Variants in AK9 observed in about 807,000 individuals in gnomAD.
AK9 encodes the protein adenylate kinase 9.
A neutral mutation model predicts 239.6 loss-of-function variants in AK9; 191 were observed. The observed-to-expected ratio is 0.80, with a 90% CI of 0.71 to 0.90. The LOEUF (loss-of-function observed/expected upper bound fraction) is 0.90, where lower values mean the gene tolerates loss of function less well. Ranked by LOEUF, AK9 falls within the 40% of genes least tolerant of loss-of-function variation. The probability of loss-of-function intolerance (pLI) is 0.00; values close to 1 mark genes in which losing one functional copy is unlikely to be tolerated. For synonymous variants in AK9, 689 were observed against 721.0 expected, an observed-to-expected ratio of 0.96 and a Z score of 0.71; for missense variants, 1,995 against 2,214.7, an observed-to-expected ratio of 0.90 and a Z score of 1.99.
intron 38 of AK9, 93 bp from the exon 39 acceptor site, chr6:109,495,533 A>C (rs1776947227): frequency 1.1e-6 from 1 of 901,596 alleles, no homozygotes; most frequent in South Asian, 2.7e-5. Context: ...GATAAAGTTC[A>C]CTACTTTTTC....
At chr6:109,581,154 C>A (rs1420943163) in intron 19 of AK9, among the ~76,000 whole-genome samples, 1 of 152,128 alleles carries the variant, frequency 6.6e-6, no homozygotes, top group African/African-American at 2.4e-5. Context: ...GACTCCCTCC[C>A]TCTCCTCAGG....
chr6:109,599,124 G>A (rs1186146970), intron 17 of AK9, among the ~76,000 whole-genome samples: 1 of 152,138 alleles, frequency 6.6e-6, no homozygotes, highest in African/African-American at 2.4e-5. Flanking sequence ...ATTGCTTTTG[G>A]TGTTTTAGAC....
chr6:109,686,160 T>G (rs1287963485), intron 1 of AK9, among the ~76,000 whole-genome samples: 2 of 152,162 alleles, frequency 1.3e-5, no homozygotes, highest in African/African-American at 4.8e-5. Context: ...TGAGACAATA[T>G]AGTATAAAGG....
chr6:109,497,377 C>T, intron 38 of AK9, 88 bp downstream of exon 38: 1 of 776,524 alleles, frequency 1.3e-6, no homozygotes, highest in Middle Eastern at 2.3e-4. Context: ...CTCTCTCTCT[C>T]TCTCTCTCAC....
chr6:109,691,127 T>C lies in AK9; in HGVS notation c.-12+20A>G, dbSNP rs542453992. 8.0e-4 allele frequency: 415 copies of C among 517,884 alleles called. 5 individuals carry two copies. Among genetic ancestry groups the C allele is most frequent in the Middle Eastern group, 5.7e-3 (11 of 1,936 alleles). The allele number at this position is 517,884 out of a possible 1,614,324, so 32.1% of individuals were successfully genotyped here. ...AATCCGTCGACTTTTTCTCCGCCCA[T>C]GTTTTCCTCCAATCCTTACCAAAGA... On this transcript the variant is annotated intron_variant, in intron 1 of 40. Transcript: ENST00000424296.
intron 10 of AK9, among the ~76,000 whole-genome samples, chr6:109,633,774 G>C (rs1796396885): frequency 6.6e-6 from 1 of 152,036 alleles, no homozygotes. Context: ...GATTGTTTTT[G>C]CATTTACTTA....
chr6:109,605,629 G>GAT (rs879612894), intron 17 of AK9, among the ~76,000 whole-genome samples: 6 of 152,140 alleles, frequency 3.9e-5, no homozygotes, highest in Non-Finnish European at 7.3e-5. Flanking sequence ...AATGAAACAT[G>GAT]ATGGGCATCT....
chr6:109,650,923 C>G (rs550446918), intron 8 of AK9, among the ~76,000 whole-genome samples: 4 of 152,144 alleles, frequency 2.6e-5, no homozygotes, highest in Non-Finnish European at 5.9e-5. Flanking sequence ...GAGTTCATGT[C>G]CTTTGTAGGG....
intron 21 of AK9, among the ~76,000 whole-genome samples, chr6:109,572,734 A>T (rs1252946441): frequency 6.6e-6 from 1 of 152,198 alleles, no homozygotes; most frequent in Non-Finnish European, 1.5e-5. Context: ...ATCCAGTTAC[A>T]GGTATCTGAA....
At position 109,533,241 on chromosome 6, in the gene AK9, A is replaced by G. The variant is rs187115154; in HGVS notation, c.3570+10T>C. On this transcript the variant is annotated intron_variant, in intron 28 of 40. Transcript: ENST00000424296. ...CAGATTTATTCAATGCATTTTTGCTAGATACATACCCTGATTTTTGCCTTC... is the reference window on the plus strand; with the variant it reads ...CAGATTTATTCAATGCATTTTTGCTGGATACATACCCTGATTTTTGCCTTC... 1,311 of 1,582,620 alleles carry G rather than the reference A, an allele frequency of 8.3e-4. 1 individual carries two copies. Among genetic ancestry groups the G allele is most frequent in the Non-Finnish European group, 1.0e-3 (1,170 of 1,164,202 alleles).
At chr6:109,590,717 T>A (rs1790109011) in intron 17 of AK9, among the ~76,000 whole-genome samples, 1 of 152,168 alleles carries the variant, frequency 6.6e-6, no homozygotes. Context: ...TTTGGTATGT[T>A]GTGTCTATTT....
chr6:109,622,263 T>A (rs1794960749), intron 12 of AK9, among the ~76,000 whole-genome samples: 1 of 144,456 alleles, frequency 6.9e-6, no homozygotes, highest in African/African-American at 2.5e-5. Flanking sequence ...TACATATACA[T>A]TCCTATAAGA....
At chr6:109,663,446 T>A (rs1172301979) in intron 5 of AK9, among the ~76,000 whole-genome samples, 1 of 152,212 alleles carries the variant, frequency 6.6e-6, no homozygotes, top group Non-Finnish European at 1.5e-5. Context: ...GAAAAGTGAA[T>A]GGAATGACCC....
chr6:109,639,542 A>G (rs1488744427), intron 10 of AK9, among the ~76,000 whole-genome samples: 1 of 152,092 alleles, frequency 6.6e-6, no homozygotes, highest in Non-Finnish European at 1.5e-5. Flanking sequence ...TAGATTCTGG[A>G]TATTAGCCCT....
chr6:109,628,467 T>C (rs371403606), intron 12 of AK9, among the ~76,000 whole-genome samples: 2 of 152,212 alleles, frequency 1.3e-5, no homozygotes, highest in Admixed American at 1.3e-4. Context: ...TGCAGACAAT[T>C]GAGGTAACCA....
intron 33 of AK9, 42 bp downstream of exon 33, chr6:109,509,137 A>G: frequency 6.6e-7 from 1 of 1,520,548 alleles, no homozygotes; most frequent in Non-Finnish European, 8.9e-7. Context: ...TTCTTGAAAG[A>G]TTTAACTCCC....
intron 28 of AK9, 107 bp from the exon 29 acceptor site, chr6:109,529,180 C>T (rs908547449): frequency 5.5e-6 from 7 of 1,270,320 alleles, no homozygotes; most frequent in Admixed American, 2.5e-5. Flanking sequence ...TGGGCAGAAG[C>T]ACAGTGAACT....
chr6:109,658,116 G>C (rs1263279241), intron 7 of AK9, among the ~76,000 whole-genome samples: 1 of 152,102 alleles, frequency 6.6e-6, no homozygotes, highest in African/African-American at 2.4e-5. Context: ...AAATAATGTT[G>C]CAATAAGTAG....
intron 1 of AK9, among the ~76,000 whole-genome samples, chr6:109,677,228 C>T (rs923924566): frequency 6.6e-6 from 1 of 152,002 alleles, no homozygotes; most frequent in South Asian, 2.1e-4. Flanking sequence ...TGCACATGTA[C>T]CCCGAACCTA....
Sources: allele counts gnomAD v4.1 joint callset (sites outside exome capture counted in the v4.1 genomes callset), GRCh38; gene constraint gnomAD v4.1.1; transcripts MANE v1.5; gene names NCBI Gene and HGNC (gene_info 2026-07-23, HGNC 2026-07-21).